Variants in MFSD12 observed in about 807,000 individuals in gnomAD.
The protein encoded by MFSD12 is major facilitator superfamily domain-containing protein 12.
MFSD12 carries 67 observed loss-of-function variants against 51.2 expected under a neutral mutation model. That is an observed-to-expected ratio of 1.31 (90% CI 1.08 to 1.60). The LOEUF is 1.60. Among genes scored for constraint, MFSD12 ranks in the 40% most tolerant of loss-of-function variants. The pLI, the probability that MFSD12 is intolerant of heterozygous loss-of-function variation, is 0.00. For synonymous variants in MFSD12, 441 were observed against 316.7 expected, an observed-to-expected ratio of 1.39 and a Z score of -4.17; for missense variants, 921 against 673.0, an observed-to-expected ratio of 1.37 and a Z score of -4.08.
In MFSD12 at chr19:3,544,722, A is replaced by C. The variant is rs751547556; in HGVS notation, c.1431T>G (p.Asp477Glu). ...AGGCTGTCAGGAGTCAGGGCCGGGC[A>C]TCACGGTCCCCTGCAAGGGAGGGGT... is the stretch of plus-strand genomic sequence containing the variant. ...WPTRLRRWDR[D>E]ARP Residue 477 changes from aspartate (D) to glutamate (E), a missense_variant, in exon 10 of 10, where the codon GAT (aspartate) becomes GAG (glutamate). Asp to Glu is a conservative substitution (Grantham distance 45, BLOSUM62 2). Transcript: ENST00000355415. 9 of 1,602,346 alleles carry C rather than the reference A, an allele frequency of 5.6e-6. 1 individual carries two copies. In the South Asian group the frequency reaches 7.8e-5, roughly 14 times the overall value.
At chr19:3,550,689 C>T (rs1330428621) in intron 2 of MFSD12, among the ~76,000 whole-genome samples, 1 of 151,988 alleles carries the variant, frequency 6.6e-6, no homozygotes, top group Non-Finnish European at 1.5e-5. Context: ...GCCCAGCCTA[C>T]AAAAACTTTA....
At chr19:3,539,276 C>T (rs1231916164), downstream of MFSD12, 1 of 1,523,316 alleles carries the variant, frequency 6.6e-7, no homozygotes, top group African/African-American at 1.4e-5. Flanking sequence ...CCCCTCCCTA[C>T]AGGTGAGCCC....
chr19:3,544,840 G>T lies in MFSD12; in HGVS notation c.1389C>A (p.Ser463Arg), dbSNP rs1165010518. Residue 463 changes from serine to arginine, a missense_variant, in exon 9 of 10, where the codon AGC becomes AGA. Ser to Arg is a moderately radical substitution (Grantham distance 110). Transcript: ENST00000355415. ...GCAGGCGGGTCGGCCACAGCAGGAGGCTACAGAGACACAGGGCAGCGGCCA... is the reference window on the plus strand; with the variant it reads ...GCAGGCGGGTCGGCCACAGCAGGAGTCTACAGAGACACAGGGCAGCGGCCA... ...VGVAAALCLC[S>R]LLLWPTRLRR... 1 of 1,612,536 alleles carries T rather than the reference G, an allele frequency of 6.2e-7. No individual in the cohort carries two copies. Among genetic ancestry groups the T allele is most frequent in the Non-Finnish European group, 8.5e-7 (1 of 1,179,736 alleles).
chr19:3,543,029 G>T (rs761131349), downstream of MFSD12: 1 of 1,605,836 alleles, frequency 6.2e-7, no homozygotes, highest in Non-Finnish European at 8.5e-7. Context: ...TGCGATGTGT[G>T]GGGAGAGGGG....
chr19:3,538,487 A>C (rs1296445423), exon 5 of MFSD12: 1 of 327,542 alleles, frequency 3.1e-6, no homozygotes, highest in Non-Finnish European at 6.1e-6. Context: ...CCTCTCCCTG[A>C]TTCTGTGGAT....
At chr19:3,548,607 G>A (rs573641022) in intron 2 of MFSD12, among the ~76,000 whole-genome samples, 2 of 152,320 alleles carry the variant, frequency 1.3e-5, no homozygotes, top group African/African-American at 2.4e-5. Context: ...CAGATGCTGG[G>A]CGGCTAAAGG....
downstream of MFSD12, chr19:3,543,276 C>A: frequency 6.5e-7 from 1 of 1,547,866 alleles, no homozygotes; most frequent in Non-Finnish European, 8.7e-7. Context: ...TGGCCACCAG[C>A]CATCAGGCAG....
chr19:3,543,567 A>T, downstream of MFSD12: 1 of 1,503,668 alleles, frequency 6.7e-7, no homozygotes. Flanking sequence ...TACACCCAGC[A>T]CCTGCGGGAG....
downstream of MFSD12, chr19:3,540,148 C>T (rs552525146): frequency 1.4e-5 from 2 of 140,696 alleles, no homozygotes; most frequent in Admixed American, 7.8e-5. Flanking sequence ...GGCTAGGGTG[C>T]AGTGGCGCAA....
At position 3,546,054 on chromosome 19, in the gene MFSD12, G is replaced by A. The variant is rs370648507; in HGVS notation, c.1289+20C>T. On this transcript the variant is annotated intron_variant, in intron 8 of 9. Transcript: ENST00000355415. ...CCTCTTACTGAACAAAAGAATGAAT[G>A]AACGAACAGCGGCACTCACGGGCAA... is the stretch of plus-strand genomic sequence containing the variant. The A allele has an allele frequency of 9.3e-6, 15 of 1,611,140 alleles. No homozygotes were observed. In the African/African-American group the frequency reaches 1.6e-4, roughly 17 times the overall value.
chr19:3,548,074 C>T (rs1363404923), intron 3 of MFSD12, 44 bp from the exon 4 acceptor site: 4 of 1,601,362 alleles, frequency 2.5e-6, no homozygotes, highest in Non-Finnish European at 2.5e-6. Flanking sequence ...GGCCCAGCCC[C>T]CGCCCCTGGC....
At chr19:3,539,640 C>T, downstream of MFSD12, 1 of 222,844 alleles carries the variant, frequency 4.5e-6, no homozygotes, top group South Asian at 1.4e-4. Context: ...CAACCCCAGG[C>T]ACTCCTTGGC....
At position 3,551,052 on chromosome 19, in the gene MFSD12, G is replaced by T. The variant is rs1274571801; in HGVS notation, c.441C>A (p.Ile147=). The change falls in exon 2 of 10, where the codon ATC becomes ATA. Residue 147 remains isoleucine, a synonymous_variant. Coordinates refer to ENST00000355415, the MANE Select transcript of MFSD12 (RefSeq NM_174983.5). The surrounding 1 kb of genome is among the most constrained non-coding windows in gnomAD (Gnocchi z 4.6). The stretch of plus-strand genomic sequence containing the variant: ...GCTCCGGGATGAGGCTGAGGTGGGA[G>T]ATCTGTGTGGAGGCCCAGCCAAACT... The part of the protein sequence containing the change: ...IFQFGWASTQ[I]SHLSLIPELV... 2 of 1,612,882 alleles carry T rather than the reference G, an allele frequency of 1.2e-6. No homozygotes were observed. Among genetic ancestry groups the T allele is most frequent in the Admixed American group, 3.3e-5 (2 of 60,004 alleles).
rs535366204 is a variant in MFSD12 at position 3,552,508 on chromosome 19, T to C, written c.299-1314A>G. Reference sequence around the variant, plus strand: ...TTTTTTTTTTGAGACAGAGTCTCGCTCTGTTGCCCAGGCTGGAGTGCAGTG... The same window carrying C: ...TTTTTTTTTTGAGACAGAGTCTCGCCCTGTTGCCCAGGCTGGAGTGCAGTG... On this transcript the variant is annotated intron_variant, in intron 1 of 9. Coordinates refer to ENST00000355415, the MANE Select transcript of MFSD12 (RefSeq NM_174983.5). Among the ~76,000 whole-genome samples the C allele has an allele frequency of 6.5e-3, 823 of 125,828 alleles. 3 individuals carry two copies. The highest frequency in any genetic ancestry group is 0.015 in the Middle Eastern group (3 of 198). 82.5% of individuals were successfully genotyped at this position (125,828 alleles called of 152,430 possible).
chr19:3,550,524 T>C (rs969086553), intron 2 of MFSD12, among the ~76,000 whole-genome samples: 12 of 151,890 alleles, frequency 7.9e-5, no homozygotes, highest in African/African-American at 2.7e-4. Context: ...CCCGAGTAGC[T>C]GGGACTACAG....
chr19:3,546,410 C>G lies in MFSD12; in HGVS notation c.1039G>C (p.Gly347Arg), dbSNP rs367930953. Residue 347 changes from glycine (G) to arginine (R), a missense_variant, in exon 7 of 10, where the codon GGC becomes CGC. Coordinates refer to ENST00000355415, the MANE Select transcript of MFSD12 (RefSeq NM_174983.5). ...CIGRNMTYFSGLLVILAFAAW... is the reference protein window; with the variant it reads ...CIGRNMTYFSRLLVILAFAAW... ...GCAAAGGCCAGGATCACCAGGAGGCCTGAGAAGTAGGTCATCTGCAGGGAC... is the reference window on the plus strand; with the variant it reads ...GCAAAGGCCAGGATCACCAGGAGGCGTGAGAAGTAGGTCATCTGCAGGGAC... 6.2e-7 allele frequency: 1 copy of G among 1,606,550 alleles called. No individual in the cohort carries two copies. The highest frequency in any genetic ancestry group is 8.5e-7 in the Non-Finnish European group (1 of 1,177,346).
chr19:3,538,579 TCAAGGTGCATCCG>T (rs1464457994), exon 5 of MFSD12: 2 of 410,684 alleles, frequency 4.9e-6, no homozygotes, highest in Non-Finnish European at 1.0e-5. Flanking sequence ...CGTGACATCC[TCAAGGTGCATCCG>T]CACTGTGGCC....
chr19:3,552,467 C>CTTT (rs397859575), intron 1 of MFSD12, among the ~76,000 whole-genome samples: 37 of 65,220 alleles, frequency 5.7e-4, no homozygotes, highest in Middle Eastern at 0.015. Context: ...CGCGCCCCGC[C>CTTT]TTTTTTTTTT....
At chr19:3,542,941 T>C (rs1400715690), downstream of MFSD12, 1 of 1,484,782 alleles carries the variant, frequency 6.7e-7, no homozygotes, top group Admixed American at 1.8e-5. Context: ...GCCAGGGCCC[T>C]TGTCCTCTCC....
Sources: allele counts gnomAD v4.1 joint callset (sites outside exome capture counted in the v4.1 genomes callset), GRCh38; gene constraint gnomAD v4.1.1; non-coding constraint Gnocchi (gnomAD v3.1); transcripts MANE v1.5; gene names NCBI Gene and HGNC (gene_info 2026-07-23, HGNC 2026-07-21).